TAS2R1: variants seen among roughly 807,000 people sequenced by gnomAD.
The protein encoded by TAS2R1 is taste receptor type 2 member 1.
For synonymous variants in TAS2R1, 141 were observed against 134.2 expected, an observed-to-expected ratio of 1.05 and a Z score of -0.35; for missense variants, 370 against 353.4, an observed-to-expected ratio of 1.05 and a Z score of -0.38.
At chr5:9,741,101 C>T in the TAS2R1 span, among the ~76,000 whole-genome samples, 1 of 152,138 alleles carries the variant, frequency 6.6e-6, no homozygotes, top group Non-Finnish European at 1.5e-5. Flanking sequence ...CCAGCCTCTA[C>T]CACTTGGGTA....
At chr5:9,871,340 AT>A in the TAS2R1 span, among the ~76,000 whole-genome samples, 2 of 152,212 alleles carry the variant, frequency 1.3e-5, no homozygotes, top group African/African-American at 4.8e-5. Flanking sequence ...AACAGTTGTC[AT>A]TTCAGAGGCT....
At chr5:9,862,688 TC>T in the TAS2R1 span, among the ~76,000 whole-genome samples, 2 of 151,902 alleles carry the variant, frequency 1.3e-5, no homozygotes, top group African/African-American at 4.8e-5. Context: ...CTACAACCTC[TC>T]CCCCATCTCT....
the TAS2R1 span, among the ~76,000 whole-genome samples, chr5:9,840,833 T>TTTTATTTATTTATTTATTTATTTA: frequency 2.6e-5 from 2 of 77,474 alleles, no homozygotes; most frequent in South Asian, 6.2e-4. Context: ...TTTCATTTTA[T>TTTTATTTATTTATTTATTTATTTA]TTTATTTATT....
intron 1 of TAS2R1, among the ~76,000 whole-genome samples, chr5:9,667,457 A>T (rs1579775084): frequency 6.6e-6 from 1 of 152,328 alleles, no homozygotes; most frequent in East Asian, 1.9e-4. Context: ...CACCTGCTAG[A>T]GCTTCCTGCC....
At chr5:9,859,657 G>C in the TAS2R1 span, among the ~76,000 whole-genome samples, 1 of 152,102 alleles carries the variant, frequency 6.6e-6, no homozygotes, top group African/African-American at 2.4e-5. Flanking sequence ...AGTAATGCAG[G>C]GGGACCAGAT....
At chr5:9,722,411 T>C in the TAS2R1 span, among the ~76,000 whole-genome samples, 14 of 152,248 alleles carry the variant, frequency 9.2e-5, no homozygotes, top group Admixed American at 8.5e-4. Context: ...ACTAACACTA[T>C]CTGGAAGTTT....
intron 2 of TAS2R1, among the ~76,000 whole-genome samples, chr5:9,648,694 G>T (rs931462405): frequency 5.3e-5 from 8 of 151,814 alleles, no homozygotes; most frequent in East Asian, 1.9e-4. Flanking sequence ...TTTCGGGGGT[G>T]GGGGGTAGCT....
the TAS2R1 span, among the ~76,000 whole-genome samples, chr5:9,781,903 C>G: frequency 6.6e-6 from 1 of 152,172 alleles, no homozygotes; most frequent in Non-Finnish European, 1.5e-5. Flanking sequence ...TCACCTTTAC[C>G]CCTACTATTC....
the TAS2R1 span, among the ~76,000 whole-genome samples, chr5:9,794,897 A>G: frequency 8.5e-5 from 13 of 152,346 alleles, no homozygotes; most frequent in African/African-American, 2.4e-4. Context: ...ACACACATTA[A>G]TAATATAATA....
chr5:9,785,269 T>C, the TAS2R1 span, among the ~76,000 whole-genome samples: 1 of 152,204 alleles, frequency 6.6e-6, no homozygotes, highest in East Asian at 1.9e-4. Flanking sequence ...TGTGTAAATA[T>C]GCATCTTCAG....
chr5:9,854,735 GGAA>G, the TAS2R1 span, among the ~76,000 whole-genome samples: 1 of 152,240 alleles, frequency 6.6e-6, no homozygotes, highest in South Asian at 2.1e-4. Context: ...CAAAAAACAG[GGAA>G]GGTTAAATAA....
At position 9,676,548 on chromosome 5, in the gene TAS2R1, C is replaced by A. The variant is rs193068196; in HGVS notation, c.-241-16967G>T. Among the ~76,000 whole-genome samples, 128 of 152,184 alleles carry A rather than the reference C, an allele frequency of 8.4e-4. 1 individual carries two copies. Among genetic ancestry groups the A allele is most frequent in the Non-Finnish European group, 1.6e-3 (106 of 67,982 alleles). On this transcript the variant is annotated intron_variant, in intron 1 of 2. Coordinates refer to the TAS2R1 transcript ENST00000506620. ...AATAGTGCTGGAAAAATTGGGTATA[C>A]ATACATACATACACAAAAATATAGA...
the TAS2R1 span, among the ~76,000 whole-genome samples, chr5:9,835,434 A>AT: frequency 2.6e-5 from 4 of 151,996 alleles, no homozygotes; most frequent in African/African-American, 4.8e-5. Context: ...CACCATCCAC[A>AT]TTTTTTTTCT....
chr5:9,725,586 T>C, the TAS2R1 span, among the ~76,000 whole-genome samples: 1 of 152,170 alleles, frequency 6.6e-6, no homozygotes, highest in African/African-American at 2.4e-5. Flanking sequence ...CAGCCCGCCA[T>C]GCCTGAGCAC....
At chr5:9,826,223 A>G in the TAS2R1 span, among the ~76,000 whole-genome samples, 2 of 152,180 alleles carry the variant, frequency 1.3e-5, no homozygotes, top group African/African-American at 2.4e-5. Flanking sequence ...TGCTAATATC[A>G]TTACTAATAA....
chr5:9,654,099 T>A (rs1740361091), intron 2 of TAS2R1, among the ~76,000 whole-genome samples: 1 of 152,188 alleles, frequency 6.6e-6, no homozygotes, highest in Admixed American at 6.5e-5. Flanking sequence ...TAAATTCCCT[T>A]CCAAAAATAG....
At chr5:9,895,222 C>T in the TAS2R1 span, among the ~76,000 whole-genome samples, 63 of 152,188 alleles carry the variant, frequency 4.1e-4, no homozygotes, top group Non-Finnish European at 2.9e-5. Context: ...GCTGGGACTG[C>T]AAAACCAGTG....
At chr5:9,753,833 T>C in the TAS2R1 span, among the ~76,000 whole-genome samples, 2,698 of 152,310 alleles carry the variant, frequency 0.018, 73 homozygotes, top group African/African-American at 0.062. Context: ...GTTTTTGTCA[T>C]GTTTGTCAAA....
the TAS2R1 span, among the ~76,000 whole-genome samples, chr5:9,865,634 T>C: frequency 6.6e-6 from 1 of 152,226 alleles, no homozygotes; most frequent in Non-Finnish European, 1.5e-5. Context: ...TTCTTTTATT[T>C]CCACTTTGCT....
Sources: gnomAD v4.1 joint callset for allele counts (sites outside exome capture counted in the v4.1 genomes callset) on GRCh38, gnomAD v4.1.1 for gene constraint, MANE v1.5 for transcripts, NCBI Gene and HGNC (gene_info 2026-07-23, HGNC 2026-07-21) for gene names.